CLECL1: variants seen among roughly 807,000 people sequenced by gnomAD.
The protein encoded by CLECL1 is C-type lectin-like domain family 1.
chr12:9,732,961 G>T (rs1405065365), exon 1 of CLECL1: 1 of 1,602,762 alleles, frequency 6.2e-7, no homozygotes, highest in Admixed American at 1.7e-5. Flanking sequence ...GATCTCTGAA[G>T]TGGAAACGCG....
chr12:9,708,087 G>A, the CLECL1 span, among the ~76,000 whole-genome samples: 1 of 152,194 alleles, frequency 6.6e-6, no homozygotes, highest in Admixed American at 6.5e-5. Flanking sequence ...CGAGGAGGGT[G>A]GGAGGAAGCT....
In CLECL1 at chr12:9,727,077, T is replaced by A. The variant is rs756679499; in HGVS notation, n.262+488A>T. On this transcript the variant is annotated intron_variant and non_coding_transcript_variant, in intron 3 of 3. Transcript: ENST00000621400. ...CAGAATTAAAATGTAAATTAAAAAA[T>A]TAAAATCAAATAACCTAAGAAAATT... Among the ~76,000 whole-genome samples, 21 of 151,794 alleles carry A rather than the reference T, an allele frequency of 1.4e-4. No homozygotes were observed. The East Asian group carries it at 3.3e-3, about 24-fold the overall frequency.
the CLECL1 span, among the ~76,000 whole-genome samples, chr12:9,709,528 C>T: frequency 0.29 from 43,811 of 152,104 alleles, 6,775 homozygotes; most frequent in Middle Eastern, 0.43. Flanking sequence ...TCCAGAATTT[C>T]ACCCAAATAT....
downstream of CLECL1, among the ~76,000 whole-genome samples, chr12:9,711,038 G>A (rs2121030286): frequency 6.6e-6 from 1 of 152,286 alleles, no homozygotes. Flanking sequence ...GGCACCTAGA[G>A]CGGCTAAACT....
the CLECL1 span, among the ~76,000 whole-genome samples, chr12:9,709,796 T>C: frequency 6.6e-6 from 1 of 152,120 alleles, no homozygotes; most frequent in Non-Finnish European, 1.5e-5. Flanking sequence ...CTAGTATAAA[T>C]TTATTACTCA....
At chr12:9,711,543 C>G (rs1845890600), downstream of CLECL1, among the ~76,000 whole-genome samples, 1 of 151,944 alleles carries the variant, frequency 6.6e-6, no homozygotes, top group African/African-American at 2.4e-5. Context: ...TCTTAGTTTT[C>G]ACCGTACTCA....
At chr12:9,703,238 T>A in the CLECL1 span, among the ~76,000 whole-genome samples, 1 of 152,336 alleles carries the variant, frequency 6.6e-6, no homozygotes, top group African/African-American at 2.4e-5. Flanking sequence ...TCAAGATTTA[T>A]GTCCCTTAAG....
chr12:9,705,054 C>T, the CLECL1 span, among the ~76,000 whole-genome samples: 1 of 152,130 alleles, frequency 6.6e-6, no homozygotes, highest in East Asian at 1.9e-4. Context: ...CCTTTTTCAA[C>T]ACAACCTTGC....
chr12:9,720,462 C>A (rs1363749138), downstream of CLECL1, among the ~76,000 whole-genome samples: 1 of 151,824 alleles, frequency 6.6e-6, no homozygotes. Flanking sequence ...CCTGCCTTAG[C>A]CTCCCGAGTA....
At chr12:9,725,304 T>C (rs1261402487) in intron 3 of CLECL1, among the ~76,000 whole-genome samples, 1 of 152,160 alleles carries the variant, frequency 6.6e-6, no homozygotes, top group Non-Finnish European at 1.5e-5. Context: ...AAACATTTGG[T>C]CTTGCTTACA....
chr12:9,707,226 A>G, the CLECL1 span, among the ~76,000 whole-genome samples: 3 of 152,236 alleles, frequency 2.0e-5, no homozygotes, highest in South Asian at 2.1e-4. Flanking sequence ...TAAAATGACT[A>G]AATAAAATTA....
At chr12:9,724,732 C>T (rs1474443669) in intron 3 of CLECL1, among the ~76,000 whole-genome samples, 4 of 136,712 alleles carry the variant, frequency 2.9e-5, no homozygotes, top group Non-Finnish European at 6.6e-5. Flanking sequence ...GAATTGAAGT[C>T]CCAAAACTTA....
At chr12:9,732,456 AATT>A (rs1430672389) in intron 1 of CLECL1, among the ~76,000 whole-genome samples, 1 of 152,236 alleles carries the variant, frequency 6.6e-6, no homozygotes, top group African/African-American at 2.4e-5. Context: ...CCTAGTCATT[AATT>A]CTAGACTTTA....
chr12:9,724,921 C>A (rs1462608300), intron 3 of CLECL1, among the ~76,000 whole-genome samples: 1 of 152,074 alleles, frequency 6.6e-6, no homozygotes, highest in African/African-American at 2.4e-5. Context: ...AGATAAAAAT[C>A]TTGAAAACAG....
chr12:9,720,248 C>T (rs955015212), downstream of CLECL1, among the ~76,000 whole-genome samples: 2 of 152,100 alleles, frequency 1.3e-5, no homozygotes, highest in African/African-American at 4.8e-5. Context: ...GTTTGTTGCC[C>T]TTCTCCCCAG....
chr12:9,729,796 A>G (rs897332124), intron 1 of CLECL1, among the ~76,000 whole-genome samples: 3 of 152,116 alleles, frequency 2.0e-5, no homozygotes, highest in African/African-American at 7.2e-5. Context: ...TTTCCTTCGA[A>G]ATATGTAGAC....
chr12:9,720,341 ATTTT>A (rs777503358), downstream of CLECL1, among the ~76,000 whole-genome samples: 1 of 133,442 alleles, frequency 7.5e-6, no homozygotes, highest in Non-Finnish European at 1.6e-5. Context: ...CCACCTCTGT[ATTTT>A]TTTTTTTTTT....
chr12:9,702,972 G>A, the CLECL1 span, among the ~76,000 whole-genome samples: 2 of 152,200 alleles, frequency 1.3e-5, no homozygotes, highest in African/African-American at 2.4e-5. Context: ...CAGAGGAAGA[G>A]AAGACTTGTT....
At chr12:9,714,554 C>T (rs1866220634), downstream of CLECL1, among the ~76,000 whole-genome samples, 9 of 152,192 alleles carry the variant, frequency 5.9e-5, no homozygotes. Flanking sequence ...CACCATGTAA[C>T]TGTTTTTGTG....
Sources: gnomAD v4.1 joint callset for allele counts (sites outside exome capture counted in the v4.1 genomes callset) on GRCh38, gnomAD v4.1.1 for gene constraint, MANE v1.5 for transcripts, NCBI Gene and HGNC (gene_info 2026-07-23, HGNC 2026-07-21) for gene names.